FNDC3B: variants seen among roughly 807,000 people sequenced by gnomAD.
FNDC3B encodes the protein fibronectin type III domain containing 3B.
FNDC3B carries 12 observed loss-of-function variants against 151.5 expected under a neutral mutation model. That is an observed-to-expected ratio of 0.08 (90% CI 0.05 to 0.13). The LOEUF (loss-of-function observed/expected upper bound fraction) is 0.13, where lower values mean the gene tolerates loss of function less well. FNDC3B is among the 10% of genes least tolerant of loss of function. FNDC3B has a pLI of 1.00. For missense variants in FNDC3B, 1,214 were observed against 1,505.3 expected, an observed-to-expected ratio of 0.81 and a Z score of 3.20; for synonymous variants, 528 against 549.0, an observed-to-expected ratio of 0.96 and a Z score of 0.54.
intron 25 of FNDC3B, among the ~76,000 whole-genome samples, chr3:172,388,842 G>A (rs1281357509): frequency 6.6e-6 from 1 of 152,118 alleles, no homozygotes; most frequent in Non-Finnish European, 1.5e-5. Context: ...GGCGGGGCAG[G>A]GAAAGTACAG....
chr3:172,237,525 G>C (rs893257141), intron 4 of FNDC3B: 1 of 152,210 alleles, frequency 6.6e-6, no homozygotes, highest in Non-Finnish European at 1.5e-5. Context: ...CTCCTATGCT[G>C]ATCAGTACTG....
At chr3:172,367,857 G>A (rs1734706288) in intron 23 of FNDC3B, among the ~76,000 whole-genome samples, 1 of 152,180 alleles carries the variant, frequency 6.6e-6, no homozygotes, top group Non-Finnish European at 1.5e-5. Flanking sequence ...AAATTGGGCT[G>A]GAGGAAGAGG....
At chr3:172,078,495 A>G (rs1364717785) in intron 1 of FNDC3B, among the ~76,000 whole-genome samples, 3 of 150,288 alleles carry the variant, frequency 2.0e-5, no homozygotes, top group East Asian at 3.9e-4. Flanking sequence ...AGGTCGCTGC[A>G]TCAGAAGAAG....
chr3:172,248,197 C>T (rs1281517548), intron 5 of FNDC3B, among the ~76,000 whole-genome samples: 1 of 152,048 alleles, frequency 6.6e-6, no homozygotes, highest in South Asian at 2.1e-4. Flanking sequence ...TGTTTTGTGC[C>T]CCATTTCCAG....
chr3:172,230,231 G>A (rs562904924), intron 4 of FNDC3B, among the ~76,000 whole-genome samples: 7 of 151,986 alleles, frequency 4.6e-5, no homozygotes, highest in South Asian at 2.1e-4. Context: ...CGTGGCTCAC[G>A]CCTGTAATCC....
Position 172,156,046 on chromosome 3 carries a change from A to G in FNDC3B, c.187+22500A>G, listed in dbSNP as rs571296488. Reference sequence around the variant, plus strand: ...ATGGTTTTGGTAAATGTATTCTTCAAATACAACTGCGAGTAGGAGGCCATG... The same window carrying G: ...ATGGTTTTGGTAAATGTATTCTTCAGATACAACTGCGAGTAGGAGGCCATG... On this transcript the variant is annotated intron_variant, in intron 3 of 25. Coordinates refer to ENST00000415807, the MANE Select transcript of FNDC3B (RefSeq NM_022763.4). Among the ~76,000 whole-genome samples, 77 of 152,320 alleles carry G rather than the reference A, an allele frequency of 5.1e-4. 2 individuals are homozygous for G. The highest frequency in any genetic ancestry group is 6.8e-3 in the Middle Eastern group (2 of 294).
intron 9 of FNDC3B, among the ~76,000 whole-genome samples, chr3:172,299,032 A>C (rs1730772651): frequency 6.6e-6 from 1 of 152,240 alleles, no homozygotes; most frequent in African/African-American, 2.4e-5. Context: ...AAGTAATTTT[A>C]CATGGTCTTC....
chr3:172,134,588 T>C (rs1407156129), intron 3 of FNDC3B, among the ~76,000 whole-genome samples: 1 of 152,212 alleles, frequency 6.6e-6, no homozygotes, highest in Non-Finnish European at 1.5e-5. Flanking sequence ...ACAGTTTTTT[T>C]TTTCCTTGCG....
rs1202830790 is a variant in FNDC3B at position 172,284,312 on chromosome 3, A to ATG, written c.791-1609_791-1608dup. On this transcript the variant is annotated intron_variant, in intron 6 of 25. Coordinates refer to ENST00000415807, the MANE Select transcript of FNDC3B (RefSeq NM_022763.4). ...AAAAAGCAAAATATGCAAGAGACCT[A>ATG]TGTGTGGCTCACAAAGTTTAAAATA... Among the ~76,000 whole-genome samples the ATG allele has an allele frequency of 3.9e-5, 6 of 152,342 alleles. No individual in the cohort carries two copies. In the East Asian group the frequency reaches 1.2e-3, roughly 29 times the overall value.
At chr3:172,230,850 T>A (rs1020294916) in intron 4 of FNDC3B, among the ~76,000 whole-genome samples, 30 of 152,236 alleles carry the variant, frequency 2.0e-4, no homozygotes, top group African/African-American at 7.2e-4. Flanking sequence ...TGGAATACAC[T>A]GTATGTGTTA....
intron 11 of FNDC3B, among the ~76,000 whole-genome samples, chr3:172,322,471 A>G (rs1043887059): frequency 6.6e-6 from 1 of 152,178 alleles, no homozygotes; most frequent in African/African-American, 2.4e-5. Flanking sequence ...AGGGACATAG[A>G]CTTAGACTTT....
intron 1 of FNDC3B, among the ~76,000 whole-genome samples, chr3:172,093,984 G>A (rs1195449685): frequency 6.6e-6 from 1 of 152,186 alleles, no homozygotes; most frequent in Non-Finnish European, 1.5e-5. Flanking sequence ...TATTCATGTC[G>A]TTATGCAACC....
chr3:172,128,474 A>C (rs1003686763), intron 2 of FNDC3B, among the ~76,000 whole-genome samples: 6 of 152,196 alleles, frequency 3.9e-5, no homozygotes. Flanking sequence ...GTTCTATGGC[A>C]CACAGACTGG....
Position 172,261,207 on chromosome 3 carries a change from G to A in FNDC3B, c.790+9666G>A, listed in dbSNP as rs561012850. ...CACTAGGTTTAAGTAGATCATGGGG[G>A]TGGCGAGGCATCATGGAGGCTGACT... is the stretch of plus-strand genomic sequence containing the variant. On this transcript the variant is annotated intron_variant, in intron 6 of 25. Transcript: ENST00000415807. 1.1e-3 allele frequency among the ~76,000 whole-genome samples: 164 copies of A among 152,298 alleles called. 1 individual carries two copies. The highest frequency in any genetic ancestry group is 1.9e-3 in the Admixed American group (29 of 15,300).
Position 172,296,467 on chromosome 3 carries a change from A to T in FNDC3B, c.1001+953A>T, listed in dbSNP as rs1015429010. On this transcript the variant is annotated intron_variant, in intron 8 of 25. Transcript: ENST00000415807. ...TCCTCTTGCTACCCAGGCTACCTCC[A>T]CTGTCTCTTCCCTGGACGCCCTCAG... 3.3e-5 allele frequency among the ~76,000 whole-genome samples: 5 copies of T among 152,074 alleles called. No homozygotes were observed. The South Asian group carries it at 8.3e-4, about 25-fold the overall frequency.
At chr3:172,189,308 A>G (rs1301376565) in intron 3 of FNDC3B, among the ~76,000 whole-genome samples, 1 of 152,198 alleles carries the variant, frequency 6.6e-6, no homozygotes, top group Non-Finnish European at 1.5e-5. Context: ...CTTAGAACAA[A>G]TTAGCTGGAG....
At chr3:172,171,079 A>G (rs376097590) in intron 3 of FNDC3B, among the ~76,000 whole-genome samples, 222 of 152,324 alleles carry the variant, frequency 1.5e-3, no homozygotes, top group Middle Eastern at 6.8e-3. Flanking sequence ...TGGCTCTACA[A>G]AAGTGGTAAG....
Position 172,397,397 on chromosome 3 carries a change from T to G in FNDC3B, c.3537T>G (p.Phe1179Leu). ...GCATGATGCCTACTGATGAACAGTT[T>G]GCAGCCATCATTGTGCTTGGCTTTG... ...MKSMMPTDEQFAAIIVLGFAT... is the reference protein window; with the variant it reads ...MKSMMPTDEQLAAIIVLGFAT... The change falls in exon 26 of 26, where the codon TTT becomes TTG. Residue 1179 changes from phenylalanine (F) to leucine (L), a missense_variant. By Grantham distance (22) the Phe-to-Leu change is conservative. Coordinates refer to ENST00000415807, the MANE Select transcript of FNDC3B (RefSeq NM_022763.4). The G allele has an allele frequency of 6.2e-7, 1 of 1,614,080 alleles. No homozygotes were observed. Among genetic ancestry groups the G allele is most frequent in the South Asian group, 1.1e-5 (1 of 91,082 alleles).
chr3:172,098,810 T>C (rs1175803196), intron 1 of FNDC3B, among the ~76,000 whole-genome samples: 2 of 152,190 alleles, frequency 1.3e-5, no homozygotes, highest in African/African-American at 2.4e-5. Flanking sequence ...CCTGTGAACA[T>C]GGCATTTATA....
Sources: allele counts gnomAD v4.1 joint callset (sites outside exome capture counted in the v4.1 genomes callset), GRCh38; gene constraint gnomAD v4.1.1; transcripts MANE v1.5; gene names NCBI Gene and HGNC (gene_info 2026-07-23, HGNC 2026-07-21).